The following ROBO2 variants were observed in gnomAD, a reference collection of about 807,000 sequenced individuals.
ROBO2 encodes the protein roundabout homolog 2.
A neutral mutation model predicts 160.8 loss-of-function variants in ROBO2; 53 were observed. The ratio of observed to expected loss-of-function variants is 0.33; its 90% CI spans 0.26 to 0.41. The LOEUF is 0.41. Among genes scored for constraint, ROBO2 ranks in the 10% least tolerant of loss-of-function variants. ROBO2 has a pLI of 1.00. For missense variants in ROBO2, 1,577 were observed against 1,722.4 expected (o/e 0.92, Z 1.49); for synonymous variants, 664 against 611.7 (o/e 1.09, Z -1.26).
intron 2 of ROBO2, among the ~76,000 whole-genome samples, chr3:76,383,227 C>G (rs916594330): frequency 6.6e-6 from 1 of 152,112 alleles, no homozygotes. Flanking sequence ...TTCTAGTATT[C>G]AACGTTTGTA....
chr3:76,863,450 A>AG (rs1559618890), intron 2 of ROBO2, among the ~76,000 whole-genome samples: 2 of 150,138 alleles, frequency 1.3e-5, no homozygotes, highest in East Asian at 3.9e-4. Flanking sequence ...AAAAAAAGAA[A>AG]AAAGAAAAGA....
chr3:76,873,002 G>T (rs1430693344), intron 2 of ROBO2, among the ~76,000 whole-genome samples: 1 of 152,042 alleles, frequency 6.6e-6, no homozygotes, highest in African/African-American at 2.4e-5. Context: ...AAATTCAGAT[G>T]ATATATTGGT....
chr3:77,428,337 A>AT (rs1491236295), intron 2 of ROBO2, among the ~76,000 whole-genome samples: 13 of 128,268 alleles, frequency 1.0e-4, no homozygotes, highest in Admixed American at 3.6e-4. Flanking sequence ...AACTTAGGTA[A>AT]TATTTTTTTT....
chr3:77,361,295 T>C (rs1345428912), intron 2 of ROBO2, among the ~76,000 whole-genome samples: 2 of 152,192 alleles, frequency 1.3e-5, no homozygotes, highest in Non-Finnish European at 2.9e-5. Context: ...TAAGTACCTA[T>C]ACAAAAAAGT....
At chr3:76,082,367 A>C (rs1020268764) in intron 2 of ROBO2, among the ~76,000 whole-genome samples, 1 of 152,150 alleles carries the variant, frequency 6.6e-6, no homozygotes. Context: ...ATAAAAAGTT[A>C]TGCTATATGT....
intron 2 of ROBO2, among the ~76,000 whole-genome samples, chr3:77,418,528 T>C (rs1397153962): frequency 6.6e-6 from 1 of 152,126 alleles, no homozygotes; most frequent in Non-Finnish European, 1.5e-5. Context: ...ATTTTCTTTC[T>C]TTTTCCCTTG....
At position 76,141,143 on chromosome 3, in the gene ROBO2, CTCTCTCTCTCTCTCTCTA is replaced by C. The variant is rs1298972116; in HGVS notation, c.109+203543_109+203560del. 1.2e-4 allele frequency among the ~76,000 whole-genome samples: 7 copies of C among 60,858 alleles called. No homozygotes were observed. In the East Asian group the frequency reaches 3.0e-3, roughly 26 times the overall value. The allele number at this position is 60,858 out of a possible 152,430, so 39.9% of individuals were successfully genotyped here. ...TCTCTCTCTCTCTCTCTCTCTCTCT[CTCTCTCTCTCTCTCTCTA>C]TATATATATATATATATATATATAT... On this transcript the variant is annotated intron_variant, in intron 2 of 26. Transcript: ENST00000487694.
At position 77,183,027 on chromosome 3, in the gene ROBO2, G is replaced by A. The variant is rs115730340; in HGVS notation, c.388+84687G>A. 3.2e-3 allele frequency among the ~76,000 whole-genome samples: 491 copies of A among 152,014 alleles called. 1 individual carries two copies. The highest frequency in any genetic ancestry group is 0.011 in the African/African-American group (464 of 41,498). On this transcript the variant is annotated intron_variant, in intron 2 of 25. Transcript: ENST00000461745. ...TACTTGATTTTGTTCTCTGCCTCAG[G>A]TCATTATAATCTACCCGGTCAGGCT...
At chr3:76,009,163 C>G (rs1160027515) in intron 2 of ROBO2, among the ~76,000 whole-genome samples, 2 of 152,090 alleles carry the variant, frequency 1.3e-5, no homozygotes, top group African/African-American at 2.4e-5. Flanking sequence ...AGTGCAGGGG[C>G]GCGATCTCGG....
At chr3:77,231,324 C>T (rs1415853935) in intron 2 of ROBO2, among the ~76,000 whole-genome samples, 1 of 131,620 alleles carries the variant, frequency 7.6e-6, no homozygotes, top group Admixed American at 8.9e-5. Context: ...GATCACGCCA[C>T]TGTACTCCAG....
At chr3:77,529,554 A>G (rs929737211) in intron 6 of ROBO2, among the ~76,000 whole-genome samples, 2 of 151,950 alleles carry the variant, frequency 1.3e-5, no homozygotes, top group Middle Eastern at 3.4e-3. Context: ...GTATGTTAAT[A>G]ATTTCCAATA....
intron 2 of ROBO2, among the ~76,000 whole-genome samples, chr3:76,481,473 G>A (rs1196609776): frequency 6.6e-6 from 1 of 152,134 alleles, no homozygotes; most frequent in Non-Finnish European, 1.5e-5. Flanking sequence ...CACATTCATT[G>A]TATAGACATC....
At chr3:76,594,153 T>C (rs1025380516) in intron 2 of ROBO2, among the ~76,000 whole-genome samples, 1 of 151,988 alleles carries the variant, frequency 6.6e-6, no homozygotes, top group South Asian at 2.1e-4. Flanking sequence ...CATCTAGCTC[T>C]GGTTTCTGGG....
chr3:77,527,506 A>AT, intron 6 of ROBO2, 92 bp downstream of exon 7: 1 of 960,010 alleles, frequency 1.0e-6, no homozygotes, highest in Non-Finnish European at 1.4e-6. Flanking sequence ...AAATATATTT[A>AT]TTTTACCCAT....
chr3:76,689,158 A>G (rs1424310210), intron 2 of ROBO2, among the ~76,000 whole-genome samples: 3 of 152,120 alleles, frequency 2.0e-5, no homozygotes, highest in Non-Finnish European at 4.4e-5. Flanking sequence ...AGCCTCTGGT[A>G]TCTTATTGAC....
At chr3:75,988,848 A>G (rs1349072383) in intron 2 of ROBO2, among the ~76,000 whole-genome samples, 5 of 151,820 alleles carry the variant, frequency 3.3e-5, no homozygotes, top group Non-Finnish European at 7.4e-5. Context: ...TATATTTTGT[A>G]TGATGTTTAT....
intron 2 of ROBO2, among the ~76,000 whole-genome samples, chr3:77,432,388 T>C (rs75855064): frequency 0.026 from 4,030 of 152,246 alleles, 185 homozygotes; most frequent in African/African-American, 0.091. Flanking sequence ...CAATGGGGCA[T>C]ATAGCGGTGC....
intron 2 of ROBO2, among the ~76,000 whole-genome samples, chr3:76,191,463 A>G (rs187862212): frequency 2.6e-5 from 4 of 151,432 alleles, no homozygotes; most frequent in African/African-American, 9.7e-5. Context: ...TCATACTTAA[A>G]TCATCCCAAC....
intron 2 of ROBO2, among the ~76,000 whole-genome samples, chr3:77,281,513 A>G (rs968908322): frequency 2.0e-5 from 3 of 152,128 alleles, no homozygotes; most frequent in Admixed American, 2.0e-4. Context: ...TAAGAAAAAA[A>G]AAAACCACCA....
Sources: gnomAD v4.1 joint callset for allele counts (sites outside exome capture counted in the v4.1 genomes callset) on GRCh38, gnomAD v4.1.1 for gene constraint, MANE v1.5 for transcripts, NCBI Gene and HGNC (gene_info 2026-07-23, HGNC 2026-07-21) for gene names.